The following EGF variants were observed in gnomAD, a reference collection of about 807,000 sequenced individuals.
EGF encodes the protein epidermal growth factor.
In EGF, 95 loss-of-function variants were observed where a neutral mutation model predicts 143.8. The observed-to-expected ratio is 0.66, with a 90% CI of 0.56 to 0.78. The LOEUF is 0.78. EGF is among the 30% of genes least tolerant of loss of function. The pLI, the probability that EGF is intolerant of heterozygous loss-of-function variation, is 0.00. For synonymous variants in EGF, 510 were observed against 510.5 expected, an observed-to-expected ratio of 1.00 and a Z score of 0.01; for missense variants, 1,320 against 1,470.9, an observed-to-expected ratio of 0.90 and a Z score of 1.68.
intron 15 of EGF, 43 bp from the exon 16 acceptor site, chr4:109,983,379 A>G: frequency 6.2e-7 from 1 of 1,605,510 alleles, no homozygotes; most frequent in Admixed American, 1.7e-5. Context: ...TTTTTTTTGA[A>G]ACAGAAAAGC....
chr4:109,921,056 A>G (rs1319375692), intron 1 of EGF, among the ~76,000 whole-genome samples: 1 of 151,610 alleles, frequency 6.6e-6, no homozygotes, highest in Non-Finnish European at 1.5e-5. Context: ...ACTGAACAGA[A>G]GGGATCTTTA....
intron 15 of EGF, among the ~76,000 whole-genome samples, chr4:109,982,069 G>A (rs1560732842): frequency 6.6e-6 from 1 of 151,030 alleles, no homozygotes; most frequent in Non-Finnish European, 1.5e-5. Flanking sequence ...CTAGTAGCTG[G>A]GACCACAGGC....
At chr4:109,995,014 T>C in intron 20 of EGF, 134 bp downstream of exon 20, 1 of 1,062,364 alleles carries the variant, frequency 9.4e-7, no homozygotes. Flanking sequence ...AACATACACA[T>C]ATGAACCACG....
Position 109,945,133 on chromosome 4 carries a change from G to A in EGF, c.798G>A (p.Met266Ile). 6.2e-7 allele frequency: 1 copy of A among 1,614,134 alleles called. No homozygotes were observed. Among genetic ancestry groups the A allele is most frequent in the Non-Finnish European group, 8.5e-7 (1 of 1,180,032 alleles). ...GDRIFYSTWK[M>I]KTIWIANKHT... ...GTATCTTCTATTCAACATGGAAAATGAAGACAATTTGGATAGCCAACAAAC... is the reference window on the plus strand; with the variant it reads ...GTATCTTCTATTCAACATGGAAAATAAAGACAATTTGGATAGCCAACAAAC... Residue 266 changes from methionine to isoleucine, a missense_variant, in exon 5 of 24, where the codon ATG becomes ATA. Transcript: ENST00000265171.
At chr4:109,935,036 G>T (rs7677295) in intron 1 of EGF, among the ~76,000 whole-genome samples, 8,131 of 152,134 alleles carry the variant, frequency 0.053, 519 homozygotes, top group East Asian at 0.18. Context: ...GATTTTCTTG[G>T]GTATAGGGGC....
intron 11 of EGF, among the ~76,000 whole-genome samples, chr4:109,970,787 T>A (rs1440957189): frequency 1.5e-5 from 2 of 133,368 alleles, no homozygotes; most frequent in African/African-American, 3.0e-5. Flanking sequence ...ATCGCACCAC[T>A]GCACTCCAGC....
intron 1 of EGF, among the ~76,000 whole-genome samples, chr4:109,937,768 A>G (rs1741113031): frequency 6.6e-6 from 1 of 152,106 alleles, no homozygotes; most frequent in East Asian, 1.9e-4. Context: ...TCCTTCACTT[A>G]TGAAGCTTAG....
intron 22 of EGF, among the ~76,000 whole-genome samples, chr4:110,007,647 C>T (rs779916646): frequency 3.3e-5 from 5 of 152,160 alleles, no homozygotes; most frequent in African/African-American, 1.2e-4. Flanking sequence ...GGCTGTTCAA[C>T]CAGCTTGCAA....
Position 109,994,865 on chromosome 4 carries a change from A to G in EGF, c.2990A>G (p.Asp997Gly). Residue 997 changes from aspartate (D) to glycine (G), a missense_variant, in exon 20 of 24, where the codon GAC becomes GGC. Physicochemically the swap from Asp to Gly is moderately conservative, Grantham distance 94. This residue lies in a region of EGF where 1,186 missense variants were observed against 1,313.7 expected (regional missense o/e 0.90). Coordinates refer to ENST00000265171, the MANE Select transcript of EGF (RefSeq NM_001963.6). ...DGVCMYIEALDKYACNCVVGY... is the reference protein window; with the variant it reads ...DGVCMYIEALGKYACNCVVGY... Reference sequence around the variant, plus strand: ...GTGTGCATGTATATTGAAGCATTGGACAAGTATGCATGCAAGTAAGTTAAA... The same window carrying G: ...GTGTGCATGTATATTGAAGCATTGGGCAAGTATGCATGCAAGTAAGTTAAA... The G allele has an allele frequency of 8.1e-6, 13 of 1,614,136 alleles. No homozygotes were observed. Among genetic ancestry groups the G allele is most frequent in the Non-Finnish European group, 1.1e-5 (13 of 1,179,976 alleles).
Position 109,972,640 on chromosome 4 carries a change from G to C in EGF, c.1725-2063G>C, listed in dbSNP as rs191718934. Among the ~76,000 whole-genome samples the C allele has an allele frequency of 2.0e-5, 3 of 152,292 alleles. No individual in the cohort carries two copies. The East Asian group carries it at 5.8e-4, about 29-fold the overall frequency. ...TCCTTCTTATGACCACTTCATCCGG[G>C]AGTAAAATTATCTTTTTAAAGTGGC... is the stretch of plus-strand genomic sequence containing the variant. On this transcript the variant is annotated intron_variant, in intron 11 of 23. Transcript: ENST00000265171.
At chr4:109,929,614 G>T (rs1308323501) in intron 1 of EGF, among the ~76,000 whole-genome samples, 2 of 152,108 alleles carry the variant, frequency 1.3e-5, no homozygotes, top group African/African-American at 4.8e-5. Context: ...TGTGGCTGGG[G>T]GTAGGTAGGG....
At position 110,002,088 on chromosome 4, in the gene EGF, A is replaced by G. The variant is rs149717048; in HGVS notation, c.3173+2242A>G. 3.1e-6 allele frequency: 3 copies of G among 968,192 alleles called. No individual in the cohort carries two copies. The East Asian group carries it at 3.4e-4, about 111-fold the overall frequency. 60.0% of individuals were successfully genotyped at this position (968,192 alleles called of 1,614,324 possible). A position where few individuals can be genotyped will look rare whatever the true frequency, so the allele number is the denominator to read the frequency against. On this transcript the variant is annotated intron_variant, in intron 21 of 23. Coordinates refer to ENST00000265171, the MANE Select transcript of EGF (RefSeq NM_001963.6). ...ATTGAGTTTTTAAGTTAGACATGCTAACTGTTTTTCTTTAAAGGGTTAAAA... is the reference window on the plus strand; with the variant it reads ...ATTGAGTTTTTAAGTTAGACATGCTGACTGTTTTTCTTTAAAGGGTTAAAA...
At chr4:109,938,852 C>T (rs1741387253) in intron 1 of EGF, among the ~76,000 whole-genome samples, 1 of 152,282 alleles carries the variant, frequency 6.6e-6, no homozygotes, top group South Asian at 2.1e-4. Flanking sequence ...GTGGAGGCTA[C>T]AGAAGAGCAA....
chr4:109,956,122 C>T (rs577748268), intron 5 of EGF, among the ~76,000 whole-genome samples: 1 of 152,306 alleles, frequency 6.6e-6, no homozygotes, highest in South Asian at 2.1e-4. Context: ...AAGAATTTTT[C>T]ACCAACATTT....
intron 1 of EGF, among the ~76,000 whole-genome samples, chr4:109,938,149 C>A (rs750916710): frequency 2.0e-5 from 3 of 152,182 alleles, no homozygotes; most frequent in Non-Finnish European, 4.4e-5. Context: ...TTCAGGTACA[C>A]CAATCAAATG....
chr4:109,969,312 T>G (rs1639201045), intron 11 of EGF, among the ~76,000 whole-genome samples, 193 bp downstream of exon 11: 1 of 152,156 alleles, frequency 6.6e-6, no homozygotes, highest in African/African-American at 2.4e-5. Context: ...TCTGTGTGCG[T>G]GGGAGGATTT....
chr4:109,942,199 T>C (rs1742049548), intron 2 of EGF, among the ~76,000 whole-genome samples: 1 of 152,232 alleles, frequency 6.6e-6, no homozygotes, highest in Non-Finnish European at 1.5e-5. Context: ...AAACTTAAAA[T>C]AGTTGTGAAT....
intron 1 of EGF, among the ~76,000 whole-genome samples, chr4:109,917,971 T>C (rs1736997268): frequency 6.6e-6 from 1 of 152,194 alleles, no homozygotes; most frequent in African/African-American, 2.4e-5. Flanking sequence ...ATCAGTAAAA[T>C]AATTAAAATG....
chr4:109,960,401 T>C (rs1745494335), intron 6 of EGF, among the ~76,000 whole-genome samples: 1 of 152,206 alleles, frequency 6.6e-6, no homozygotes. Flanking sequence ...TCTCGGCACT[T>C]TGGGAAGCCA....
Sources: gnomAD v4.1 joint callset for allele counts (sites outside exome capture counted in the v4.1 genomes callset) on GRCh38, gnomAD v4.1.1 for gene constraint, gnomAD v4.1.1 regional missense constraint, MANE v1.5 for transcripts, NCBI Gene and HGNC (gene_info 2026-07-23, HGNC 2026-07-21) for gene names.